The following CRADD variants were observed in gnomAD, a reference collection of about 807,000 sequenced individuals.
CRADD encodes CARD and death domain containing adaptor protein, also known as death domain-containing protein CRADD.
A neutral mutation model predicts 15.5 loss-of-function variants in CRADD; 9 were observed. The observed-to-expected ratio is 0.58, with a 90% CI of 0.35 to 1.01. CRADD has a LOEUF of 1.01. CRADD is among the 50% of genes least tolerant of loss of function. The probability of loss-of-function intolerance (pLI) is 0.02; values close to 1 mark genes in which losing one functional copy is unlikely to be tolerated. For missense variants in CRADD, 227 were observed against 250.3 expected, an observed-to-expected ratio of 0.91 and a Z score of 0.63; for synonymous variants, 118 against 107.6, an observed-to-expected ratio of 1.10 and a Z score of -0.60.
At chr12:93,733,464 A>G (rs1369756348) in intron 2 of CRADD, 1 of 152,304 alleles carries the variant, frequency 6.6e-6, no homozygotes, top group East Asian at 1.9e-4. Flanking sequence ...ATTTCTCACA[A>G]TCGCCCCTCT....
At chr12:93,753,645 GA>G in intron 2 of CRADD, among the ~76,000 whole-genome samples, 1 of 152,366 alleles carries the variant, frequency 6.6e-6, no homozygotes, top group South Asian at 2.1e-4. Context: ...ATGCAAGTTT[GA>G]AATCCAGTAG....
chr12:93,782,607 A>G (rs1044715520), intron 2 of CRADD, among the ~76,000 whole-genome samples: 4 of 152,074 alleles, frequency 2.6e-5, no homozygotes, highest in African/African-American at 9.7e-5. Context: ...AAAAAAAAAA[A>G]AAAGACTTAA....
intron 2 of CRADD, among the ~76,000 whole-genome samples, chr12:93,700,415 A>G (rs1955816392): frequency 1.3e-5 from 2 of 151,446 alleles, no homozygotes; most frequent in Admixed American, 1.3e-4. Context: ...TACTAGCCAA[A>G]TTTGTCTTCC....
intron 2 of CRADD, among the ~76,000 whole-genome samples, chr12:93,874,020 T>C (rs1958440757): frequency 6.6e-6 from 1 of 152,110 alleles, no homozygotes; most frequent in South Asian, 2.1e-4. Flanking sequence ...GTAGGATTAG[T>C]ATTAGTTCTT....
intron 2 of CRADD, among the ~76,000 whole-genome samples, chr12:93,748,880 C>T (rs919049280): frequency 6.6e-6 from 1 of 152,186 alleles, no homozygotes; most frequent in African/African-American, 2.4e-5. Flanking sequence ...TAGTGCCTTG[C>T]CTTATCCCAT....
intron 2 of CRADD, among the ~76,000 whole-genome samples, chr12:93,879,923 A>G (rs540274320): frequency 2.0e-5 from 3 of 152,312 alleles, no homozygotes; most frequent in African/African-American, 7.2e-5. Flanking sequence ...TTCTCTTGAG[A>G]AAATTAGCAT....
intron 2 of CRADD, chr12:93,848,744 G>C (rs1396945267): frequency 8.0e-6 from 1 of 124,302 alleles, no homozygotes; most frequent in Admixed American, 8.1e-5. Context: ...CCCCTGGAAG[G>C]CCTTCCCTAA....
intron 2 of CRADD, among the ~76,000 whole-genome samples, chr12:93,764,573 G>T (rs1957005620): frequency 6.7e-6 from 1 of 150,082 alleles, no homozygotes. Context: ...CTCTTTCTAG[G>T]TTTTTCTTTC....
chr12:93,729,515 G>A (rs116230977), intron 2 of CRADD, among the ~76,000 whole-genome samples: 2,223 of 152,122 alleles, frequency 0.015, 59 homozygotes, highest in African/African-American at 0.05. Flanking sequence ...AGCCAGCCAC[G>A]GTGGCTCATG....
At chr12:93,859,893 A>ATTTTT (rs11295660) in intron 2 of CRADD, among the ~76,000 whole-genome samples, 1 of 147,078 alleles carries the variant, frequency 6.8e-6, no homozygotes, top group Non-Finnish European at 1.5e-5. Flanking sequence ...CGACCAGCTA[A>ATTTTT]TTTTTTTTTT....
chr12:93,843,869 C>T (rs915031717), intron 2 of CRADD, among the ~76,000 whole-genome samples: 1 of 151,998 alleles, frequency 6.6e-6, no homozygotes, highest in Non-Finnish European at 1.5e-5. Flanking sequence ...TACAGGCGTA[C>T]ACCACCATAC....
intron 2 of CRADD, among the ~76,000 whole-genome samples, chr12:93,767,257 C>G (rs148812767): frequency 6.6e-6 from 1 of 152,132 alleles, no homozygotes; most frequent in East Asian, 1.9e-4. Flanking sequence ...AAATATTAAA[C>G]TGTTCATTTC....
At chr12:93,874,244 G>C (rs950281196) in intron 2 of CRADD, among the ~76,000 whole-genome samples, 8 of 151,942 alleles carry the variant, frequency 5.3e-5, no homozygotes, top group Non-Finnish European at 1.0e-4. Context: ...GGTGCTTATA[G>C]TAGCCACTAA....
Position 93,766,457 on chromosome 12 carries a change from G to C in CRADD, c.299-83513G>C, listed in dbSNP as rs376818155. The stretch of plus-strand genomic sequence containing the variant: ...AACAAAAGCTAATAGACTTCCAATT[G>C]TCACCTGTCACAGTGTACTTTTTTG... On this transcript the variant is annotated intron_variant, in intron 2 of 2. Coordinates refer to ENST00000332896, the MANE Select transcript of CRADD (RefSeq NM_003805.5). Among the ~76,000 whole-genome samples, 21 of 152,262 alleles carry C rather than the reference G, an allele frequency of 1.4e-4. 2 individuals carry two copies. Among genetic ancestry groups the C allele is most frequent in the Admixed American group, 1.2e-3 (19 of 15,296 alleles).
intron 2 of CRADD, among the ~76,000 whole-genome samples, chr12:93,883,781 T>G (rs77284260): frequency 0.041 from 6,257 of 152,258 alleles, 221 homozygotes; most frequent in East Asian, 0.16. Flanking sequence ...TGCAGTGAGC[T>G]AGGATCCTAC....
intron 2 of CRADD, among the ~76,000 whole-genome samples, chr12:93,872,467 T>A (rs1294808169): frequency 6.6e-6 from 1 of 152,222 alleles, no homozygotes; most frequent in South Asian, 2.1e-4. Flanking sequence ...TATTGCTCAA[T>A]AAATTTTTGC....
At chr12:93,806,866 T>C (rs534470739) in intron 2 of CRADD, among the ~76,000 whole-genome samples, 1 of 152,144 alleles carries the variant, frequency 6.6e-6, no homozygotes, top group Admixed American at 6.6e-5. Context: ...ATCCAGCACA[T>C]CTTGAAAGAT....
At chr12:93,711,055 C>CCTT in intron 2 of CRADD, among the ~76,000 whole-genome samples, 1 of 43,508 alleles carries the variant, frequency 2.3e-5, no homozygotes, top group African/African-American at 8.5e-5. Context: ...CCACCCCCGC[C>CCTT]TTTTTTTTTT....
intron 2 of CRADD, among the ~76,000 whole-genome samples, chr12:93,694,067 TA>T (rs1955639510): frequency 6.6e-6 from 1 of 152,082 alleles, no homozygotes; most frequent in South Asian, 2.1e-4. Flanking sequence ...TTGATCAACA[TA>T]GGTGCAAAAA....
Sources: gnomAD v4.1 joint callset for allele counts (sites outside exome capture counted in the v4.1 genomes callset) on GRCh38, gnomAD v4.1.1 for gene constraint, MANE v1.5 for transcripts, NCBI Gene and HGNC (gene_info 2026-07-23, HGNC 2026-07-21) for gene names.